The following SH2D2A variants were observed in gnomAD, a reference collection of about 807,000 sequenced individuals.
The protein encoded by SH2D2A is SH2 domain-containing protein 2A.
In SH2D2A, 33 loss-of-function variants were observed where a neutral mutation model predicts 43.6. That is an observed-to-expected ratio of 0.76 (90% CI 0.57 to 1.01). The LOEUF (loss-of-function observed/expected upper bound fraction) is 1.01. Among genes scored for constraint, SH2D2A ranks in the 50% least tolerant of loss-of-function variants. The probability of loss-of-function intolerance (pLI) is 0.00; values close to 1 mark genes in which losing one functional copy is unlikely to be tolerated. For missense variants in SH2D2A, 491 were observed against 503.1 expected (o/e 0.98, Z 0.23); for synonymous variants, 212 against 206.1 (o/e 1.03, Z -0.25).
chr1:156,815,745 G>A (rs1056796351), intron 2 of SH2D2A: 1 of 1,491,178 alleles, frequency 6.7e-7, no homozygotes, highest in Non-Finnish European at 9.4e-7. Flanking sequence ...GGGACTCAAT[G>A]CACTGCACCC....
chr1:156,814,179 GC>G (rs1285226006), intron 4 of SH2D2A, 25 bp downstream of exon 4: 17 of 1,612,066 alleles, frequency 1.1e-5, no homozygotes, highest in Admixed American at 1.7e-5. Flanking sequence ...GCCTTGTGTC[GC>G]CCGGCGCGGG....
chr1:156,809,402 C>A lies in SH2D2A; in HGVS notation c.803G>T (p.Arg268Leu). ...GGAGGGCTTGGGGCGTGGGGCCGGG[C>A]GGTGTCGTGGAACAGGGATTGTGTA... ...EVYTIPVPRH[R>L]PAPRPKPSNP... Residue 268 changes from arginine (R) to leucine (L), a missense_variant, in exon 7 of 9, where the codon CGC (arginine) becomes CTC (leucine). Physicochemically the swap from Arg to Leu is moderately radical, Grantham distance 102 (BLOSUM62 -2). Transcript: ENST00000368199. The surrounding 1 kb of genome is among the most constrained non-coding windows in gnomAD (Gnocchi z 4.8). 1.2e-6 allele frequency: 2 copies of A among 1,613,772 alleles called. No individual in the cohort carries two copies. Among genetic ancestry groups the A allele is most frequent in the Non-Finnish European group, 8.5e-7 (1 of 1,179,978 alleles).
At chr1:156,814,126 C>T in intron 4 of SH2D2A, 79 bp downstream of exon 4, 1 of 1,574,820 alleles carries the variant, frequency 6.3e-7, no homozygotes, top group Non-Finnish European at 8.6e-7. Context: ...AAGAGCCCGG[C>T]TCCTCACGGG....
chr1:156,807,343 A>G lies in SH2D2A; in HGVS notation c.1005T>C (p.Asn335=), dbSNP rs1432613915. The change falls in exon 8 of 9, where the codon AAT becomes AAC. Residue 335 remains asparagine, a splice_region_variant and synonymous_variant. Transcript: ENST00000368199. This position sits in a 1 kb window ranked among gnomAD's most constrained non-coding sequence, Gnocchi z 5.1. ...SWSRPVPGGQ[N]TGGSQLHSEN... is the part of the protein sequence containing the mutation. ...CAGAATGCAGCTGGGAGCCACCTGT[A>G]TTCTGCAGAGAGAAGGACAGTTCTA... is the stretch of plus-strand genomic sequence containing the variant. 1 of 1,546,276 alleles carries G rather than the reference A, an allele frequency of 6.5e-7. No individual in the cohort carries two copies. Among genetic ancestry groups the G allele is most frequent in the Admixed American group, 1.9e-5 (1 of 52,560 alleles).
At position 156,809,443 on chromosome 1, in the gene SH2D2A, C is replaced by T; in HGVS notation, c.762G>A (p.Gln254=). Residue 254 remains glutamine, a synonymous_variant, in exon 7 of 9, where the codon CAG becomes CAA. Coordinates refer to ENST00000368199, the MANE Select transcript of SH2D2A (RefSeq NM_003975.4). This position sits in a 1 kb window ranked among gnomAD's most constrained non-coding sequence, Gnocchi z 4.8. ...GGATTGTGTAGACTTCTGGGGGCAG[C>T]TGAGGTTTGGCGGGGATGGGAGGCT... The part of the protein sequence containing the change: ...RPKPPIPAKP[Q]LPPEVYTIPV... The T allele has an allele frequency of 1.2e-6, 2 of 1,612,332 alleles. No individual in the cohort carries two copies. The highest frequency in any genetic ancestry group is 1.7e-6 in the Non-Finnish European group (2 of 1,179,502).
rs768967954 is a variant in SH2D2A at position 156,816,713 on chromosome 1, G to A, written c.-5C>T. The A allele has an allele frequency of 3.8e-6, 6 of 1,597,414 alleles. No homozygotes were observed. In the Admixed American group the frequency reaches 5.1e-5, roughly 14 times the overall value. Reference sequence around the variant, plus strand: ...CTGGGCCAGGGGGAACTCCATGAGGGCAGCCTCACAAGGGATCCCAGAGCA... The same window carrying A: ...CTGGGCCAGGGGGAACTCCATGAGGACAGCCTCACAAGGGATCCCAGAGCA... On this transcript the variant is annotated 5_prime_UTR_variant, in exon 1 of 9. Coordinates refer to ENST00000368199, the MANE Select transcript of SH2D2A (RefSeq NM_003975.4).
At position 156,809,299 on chromosome 1, in the gene SH2D2A, G is replaced by C. The variant is rs1429013881; in HGVS notation, c.906C>G (p.Ser302Arg). The change falls in exon 7 of 9, where the codon AGC (serine) becomes AGG (arginine). Residue 302 changes from serine (S) to arginine (R), a missense_variant. Coordinates refer to ENST00000368199, the MANE Select transcript of SH2D2A (RefSeq NM_003975.4). This position sits in a 1 kb window ranked among gnomAD's most constrained non-coding sequence, Gnocchi z 4.8. The part of the protein sequence containing the change: ...MGRGSPGEAP[S>R]NIYVEVEDEG... ...CATCTTCCACTTCCACATAGATGTT[G>C]CTGGGGGCTTCCCCAGGGCTGCCCC... The C allele has an allele frequency of 2.5e-6, 4 of 1,614,074 alleles. No individual in the cohort carries two copies. In the Admixed American group the frequency reaches 6.7e-5, roughly 27 times the overall value.
At chr1:156,814,394 C>A (rs34887185) in intron 3 of SH2D2A, 100 bp from the exon 4 acceptor site, 49,965 of 1,520,248 alleles carry the variant, frequency 0.033, 998 homozygotes, top group Non-Finnish European at 0.039. Flanking sequence ...CCCAAGCAAG[C>A]ATGCTGGAGC....
chr1:156,806,916 T>C (rs186891832), intron 8 of SH2D2A, among the ~76,000 whole-genome samples: 1 of 152,318 alleles, frequency 6.6e-6, no homozygotes, highest in Non-Finnish European at 1.5e-5. Flanking sequence ...ATCAATCATG[T>C]GCTTTTTTTC....
chr1:156,808,854 C>T (rs913030456), intron 7 of SH2D2A, among the ~76,000 whole-genome samples: 1 of 152,178 alleles, frequency 6.6e-6, no homozygotes, highest in Non-Finnish European at 1.5e-5. Context: ...GGGTCAGCCC[C>T]AGGTGCGTCT....
rs747559876 is a variant in SH2D2A at position 156,809,386 on chromosome 1, G to A, written c.819C>T (p.Pro273=). 1.6e-5 allele frequency: 26 copies of A among 1,613,950 alleles called. No individual in the cohort carries two copies. The highest frequency in any genetic ancestry group is 1.6e-5 in the Non-Finnish European group (19 of 1,180,010). Residue 273 remains proline (P), a synonymous_variant, in exon 7 of 9, where the codon CCC becomes CCT. Coordinates refer to ENST00000368199, the MANE Select transcript of SH2D2A (RefSeq NM_003975.4). The surrounding 1 kb of genome is among the most constrained non-coding windows in gnomAD (Gnocchi z 4.8). ...CATTGTAGATAGGATTGGAGGGCTT[G>A]GGGCGTGGGGCCGGGCGGTGTCGTG... ...PVPRHRPAPR[P]KPSNPIYNEP...
rs550679496 is a variant in SH2D2A at position 156,814,491 on chromosome 1, CA to C, written c.309-198del. ...GCAGGGATTAGGCGTGGACAGGGGC[CA>C]GGGGTCCCATTCAGGAGACCCCCGC... On this transcript the variant is annotated intron_variant, in intron 3 of 8. Transcript: ENST00000368199. The C allele has an allele frequency of 1.2e-3, 1,233 of 1,055,814 alleles. 2 individuals carry two copies. Among genetic ancestry groups the C allele is most frequent in the Admixed American group, 1.5e-3 (51 of 34,070 alleles). The allele number at this position is 1,055,814 out of a possible 1,614,324, so 65.4% of individuals were successfully genotyped here. A position where few individuals can be genotyped will look rare whatever the true frequency, so the allele number is the denominator to read the frequency against.
At chr1:156,813,264 C>T (rs1393778653) in intron 5 of SH2D2A, among the ~76,000 whole-genome samples, 1 of 152,236 alleles carries the variant, frequency 6.6e-6, no homozygotes, top group Non-Finnish European at 1.5e-5. Flanking sequence ...CTCCCCTGGC[C>T]TCATCCTGGA....
chr1:156,814,080 C>T lies in SH2D2A; in HGVS notation c.399-64G>A, dbSNP rs559111290. The T allele has an allele frequency of 2.7e-6, 4 of 1,495,494 alleles. No homozygotes were observed. In the East Asian group the frequency reaches 1.0e-4, roughly 37 times the overall value. The allele number at this position is 1,495,494 out of a possible 1,614,324, so 92.6% of individuals were successfully genotyped here. ...CTCGGCCAGGGTCACCAGCGAGAGG[C>T]GTGATCCCCACCTTCAGCAGCCCGG... On this transcript the variant is annotated intron_variant, in intron 4 of 8. Coordinates refer to ENST00000368199, the MANE Select transcript of SH2D2A (RefSeq NM_003975.4).
At chr1:156,815,340 T>C in intron 2 of SH2D2A, 119 bp from the exon 3 acceptor site, 1 of 769,776 alleles carries the variant, frequency 1.3e-6, no homozygotes, top group Non-Finnish European at 2.0e-6. Flanking sequence ...TATTTTAGGG[T>C]ACAATTGCCC....
In SH2D2A at chr1:156,809,510, C is replaced by T. The variant is rs1653242368; in HGVS notation, c.715-20G>A. ...GGAGGGCTGGGAGAGAAGGTGAGGCCAGGGAGGAGTGGGGTGAGGGAGGCA... is the reference window on the plus strand; with the variant it reads ...GGAGGGCTGGGAGAGAAGGTGAGGCTAGGGAGGAGTGGGGTGAGGGAGGCA... On this transcript the variant is annotated intron_variant, in intron 6 of 8. Transcript: ENST00000368199. This position sits in a 1 kb window ranked among gnomAD's most constrained non-coding sequence, Gnocchi z 4.8. The T allele has an allele frequency of 6.3e-7, 1 of 1,583,328 alleles. No individual in the cohort carries two copies. Among genetic ancestry groups the T allele is most frequent in the Non-Finnish European group, 8.6e-7 (1 of 1,164,664 alleles).
In SH2D2A at chr1:156,809,932, C is replaced by A; in HGVS notation, c.568-125G>T. On this transcript the variant is annotated intron_variant, in intron 5 of 8. Coordinates refer to ENST00000368199, the MANE Select transcript of SH2D2A (RefSeq NM_003975.4). The surrounding 1 kb of genome is among the most constrained non-coding windows in gnomAD (Gnocchi z 4.8). ...AAGGGGGAGGAGCACAGAAATTTGG[C>A]CTGGGCTGGGTTCCCTGGATGAGGA... 1 of 1,113,898 alleles carries A rather than the reference C, an allele frequency of 9.0e-7. No homozygotes were observed. Among genetic ancestry groups the A allele is most frequent in the Non-Finnish European group, 1.3e-6 (1 of 770,898 alleles). The allele number at this position is 1,113,898 out of a possible 1,614,324, so 69.0% of individuals were successfully genotyped here.
chr1:156,812,928 A>G (rs1047442282), intron 5 of SH2D2A, among the ~76,000 whole-genome samples: 5 of 152,316 alleles, frequency 3.3e-5, no homozygotes, highest in African/African-American at 1.2e-4. Flanking sequence ...GTTGCGTGGC[A>G]CACAGTGGTC....
Position 156,809,458 on chromosome 1 carries a change from G to C in SH2D2A, c.747C>G (p.Ile249Met). Residue 249 changes from isoleucine (I) to methionine (M), a missense_variant, in exon 7 of 9, where the codon ATC (isoleucine) becomes ATG (methionine). By Grantham distance (10) the Ile-to-Met change is conservative. Transcript: ENST00000368199. This position sits in a 1 kb window ranked among gnomAD's most constrained non-coding sequence, Gnocchi z 4.8. Reference sequence around the variant, plus strand: ...CTGGGGGCAGCTGAGGTTTGGCGGGGATGGGAGGCTTGGGCCTGAGCAGCT... The same window carrying C: ...CTGGGGGCAGCTGAGGTTTGGCGGGCATGGGAGGCTTGGGCCTGAGCAGCT... ...PSQLLRPKPP[I>M]PAKPQLPPEV... is the part of the protein sequence containing the mutation. 1 of 1,610,616 alleles carries C rather than the reference G, an allele frequency of 6.2e-7. No individual in the cohort carries two copies. Among genetic ancestry groups the C allele is most frequent in the Non-Finnish European group, 8.5e-7 (1 of 1,178,910 alleles).
Sources: allele counts gnomAD v4.1 joint callset (sites outside exome capture counted in the v4.1 genomes callset), GRCh38; gene constraint gnomAD v4.1.1; non-coding constraint Gnocchi (gnomAD v3.1); transcripts MANE v1.5; gene names NCBI Gene and HGNC (gene_info 2026-07-23, HGNC 2026-07-21).